Variants in NBEAL1 observed in about 807,000 individuals in gnomAD.
NBEAL1 encodes neurobeachin like 1, also known as neurobeachin-like protein 1.
Under a neutral mutation model 351.3 loss-of-function variants are expected in NBEAL1, and 273 were observed. The ratio of observed to expected loss-of-function variants is 0.78; its 90% CI spans 0.70 to 0.86. The LOEUF is 0.86. Ranked by LOEUF, NBEAL1 falls within the 40% of genes least tolerant of loss-of-function variation. NBEAL1 has a pLI of 0.00. For synonymous variants in NBEAL1, 1,050 were observed against 1,086.4 expected, an observed-to-expected ratio of 0.97 and a Z score of 0.66; for missense variants, 2,961 against 3,201.3, an observed-to-expected ratio of 0.92 and a Z score of 1.81.
Position 203,117,752 on chromosome 2 carries a change from G to A in NBEAL1, c.2592+1682G>A, listed in dbSNP as rs143306876. Among the ~76,000 whole-genome samples, 123 of 152,174 alleles carry A rather than the reference G, an allele frequency of 8.1e-4. 1 individual carries two copies. In the East Asian group the frequency reaches 0.017, roughly 21 times the overall value. On this transcript the variant is annotated intron_variant, in intron 18 of 55. Coordinates refer to ENST00000683969, the MANE Select transcript of NBEAL1 (RefSeq NM_001378026.1). ...GTTGGAGTGTAGTGGTGGGATCATG[G>A]CCTACTATGGTCTTGAACTCCTGAG...
At chr2:203,121,936 C>CGTGGG (rs2062841247) in intron 18 of NBEAL1, among the ~76,000 whole-genome samples, 1 of 151,950 alleles carries the variant, frequency 6.6e-6, no homozygotes, top group African/African-American at 2.4e-5. Flanking sequence ...CAGGTGCCCA[C>CGTGGG]CACCACACCC....
At chr2:203,122,213 G>A in intron 18 of NBEAL1, 41 bp from the exon 19 acceptor site, 1 of 1,136,660 alleles carries the variant, frequency 8.8e-7, no homozygotes. Context: ...TTTATGTTTT[G>A]TTCTAATTGG....
At position 203,220,460 on chromosome 2, in the gene NBEAL1, G is replaced by A. The variant is rs1010172772; in HGVS notation, c.*3106G>A. On this transcript the variant is annotated 3_prime_UTR_variant, in exon 56 of 56. Transcript: ENST00000683969. ...AATCGCACCACTGCACTCCAGCCTG[G>A]GCAACAGGGCAAGACTCCATCTCAA... is the stretch of plus-strand genomic sequence containing the variant. Among the ~76,000 whole-genome samples, 9 of 151,860 alleles carry A rather than the reference G, an allele frequency of 5.9e-5. No individual in the cohort carries two copies. Among genetic ancestry groups the A allele is most frequent in the African/African-American group, 1.9e-4 (8 of 41,334 alleles).
At chr2:203,040,893 G>T in intron 2 of NBEAL1, 1 of 389,246 alleles carries the variant, frequency 2.6e-6, no homozygotes, top group South Asian at 2.2e-5. Context: ...TCTGCCAGCT[G>T]AACAAGACCC....
In NBEAL1 at chr2:203,223,900, T is replaced by C. The variant is rs1313634137; in HGVS notation, c.*6546T>C. Among the ~76,000 whole-genome samples the C allele has an allele frequency of 6.6e-6, 1 of 152,096 alleles. No individual in the cohort carries two copies. Among genetic ancestry groups the C allele is most frequent in the Non-Finnish European group, 1.5e-5 (1 of 67,928 alleles). On this transcript the variant is annotated 3_prime_UTR_variant, in exon 56 of 56. Transcript: ENST00000683969. ...TTTACTCTTCAGAATGTGAAAGTTA[T>C]ATTAATCACTAAACACTTTAAGAAG... is the stretch of plus-strand genomic sequence containing the variant.
intron 2 of NBEAL1, among the ~76,000 whole-genome samples, chr2:203,026,506 ATT>A (rs199701939): frequency 6.3e-5 from 9 of 143,170 alleles, no homozygotes; most frequent in Non-Finnish European, 4.6e-5. Flanking sequence ...GCCATTTTAA[ATT>A]TTTTTTTTTT....
At chr2:203,043,482 T>TGTAG (rs2061176144) in intron 3 of NBEAL1, among the ~76,000 whole-genome samples, 1 of 152,116 alleles carries the variant, frequency 6.6e-6, no homozygotes, top group South Asian at 2.1e-4. Context: ...GGCTCACATC[T>TGTAG]GTAGTCCCAG....
chr2:203,164,863 T>C (rs1476214855), intron 36 of NBEAL1, among the ~76,000 whole-genome samples: 5 of 146,688 alleles, frequency 3.4e-5, no homozygotes, highest in South Asian at 2.1e-4. Flanking sequence ...CCATTTCTCT[T>C]TTTTTTTTTT....
At chr2:203,118,038 T>C (rs1402521520) in intron 18 of NBEAL1, among the ~76,000 whole-genome samples, 4 of 152,206 alleles carry the variant, frequency 2.6e-5, no homozygotes, top group African/African-American at 7.2e-5. Flanking sequence ...AATTTGCTTA[T>C]TAGTTTTATT....
At chr2:203,118,594 C>CTT (rs5837841) in intron 18 of NBEAL1, among the ~76,000 whole-genome samples, 91 of 144,764 alleles carry the variant, frequency 6.3e-4, no homozygotes, top group Non-Finnish European at 8.3e-4. Flanking sequence ...TGACAGCCAA[C>CTT]TTTTTTTTTT....
At chr2:203,145,274 T>C in intron 33 of NBEAL1, 114 bp downstream of exon 33, 1 of 925,110 alleles carries the variant, frequency 1.1e-6, no homozygotes, top group Non-Finnish European at 1.6e-6. Context: ...CTTTTATTTG[T>C]CTAAAAATTA....
intron 18 of NBEAL1, among the ~76,000 whole-genome samples, chr2:203,118,659 T>C (rs1326326733): frequency 6.6e-6 from 1 of 151,734 alleles, no homozygotes; most frequent in Non-Finnish European, 1.5e-5. Context: ...TGGCGCAATC[T>C]TGGCTCACTG....
intron 2 of NBEAL1, among the ~76,000 whole-genome samples, chr2:203,023,539 A>G (rs955080231): frequency 6.6e-6 from 1 of 152,062 alleles, no homozygotes; most frequent in African/African-American, 2.4e-5. Context: ...TGAAATTGAT[A>G]GTACTTAAGT....
chr2:203,116,087 G>A lies in NBEAL1; in HGVS notation c.2592+17G>A. ...ACAGCAAAGGTCAGAGTAAATTTGTGAACTGTCCATCTAGTTATAACTATG... is the reference window on the plus strand; with the variant it reads ...ACAGCAAAGGTCAGAGTAAATTTGTAAACTGTCCATCTAGTTATAACTATG... On this transcript the variant is annotated intron_variant, in intron 18 of 55. Coordinates refer to ENST00000683969, the MANE Select transcript of NBEAL1 (RefSeq NM_001378026.1). 6.6e-7 allele frequency: 1 copy of A among 1,517,564 alleles called. No individual in the cohort carries two copies. Among genetic ancestry groups the A allele is most frequent in the South Asian group, 1.2e-5 (1 of 83,340 alleles). The allele number at this position is 1,517,564 out of a possible 1,614,324, so 94.0% of individuals were successfully genotyped here.
At chr2:203,136,347 C>G in intron 28 of NBEAL1, 95 bp downstream of exon 28, 2 of 948,202 alleles carry the variant, frequency 2.1e-6, no homozygotes, top group Non-Finnish European at 3.1e-6. Flanking sequence ...TTAACAATTT[C>G]ATATTGTATT....
chr2:203,054,361 G>C (rs1180478458), intron 4 of NBEAL1, among the ~76,000 whole-genome samples: 1 of 151,918 alleles, frequency 6.6e-6, no homozygotes, highest in Admixed American at 6.6e-5. Flanking sequence ...AGGAGGCGGA[G>C]GTTGCAGTGA....
chr2:203,194,316 G>C (rs888022209), intron 47 of NBEAL1, among the ~76,000 whole-genome samples: 1 of 152,094 alleles, frequency 6.6e-6, no homozygotes, highest in Non-Finnish European at 1.5e-5. Context: ...TAGTAAAACA[G>C]GAGTAGTTAA....
intron 36 of NBEAL1, among the ~76,000 whole-genome samples, chr2:203,164,438 T>G (rs1329565622): frequency 6.6e-6 from 1 of 152,102 alleles, no homozygotes; most frequent in East Asian, 1.9e-4. Flanking sequence ...AATTGGGATT[T>G]TTTTTTTCTT....
At chr2:203,129,347 A>AT in intron 24 of NBEAL1, among the ~76,000 whole-genome samples, 1 of 152,190 alleles carries the variant, frequency 6.6e-6, no homozygotes, top group Non-Finnish European at 1.5e-5. Flanking sequence ...AAGTAGATTT[A>AT]TGTTGACTAG....
Sources: allele counts gnomAD v4.1 joint callset (sites outside exome capture counted in the v4.1 genomes callset), GRCh38; gene constraint gnomAD v4.1.1; transcripts MANE v1.5; gene names NCBI Gene and HGNC (gene_info 2026-07-23, HGNC 2026-07-21).